Variants in EEA1 observed in about 807,000 individuals in gnomAD.
The protein encoded by EEA1 is early endosome antigen 1, 162kD.
Under a neutral mutation model 209.2 loss-of-function variants are expected in EEA1, and 111 were observed. The ratio of observed to expected loss-of-function variants is 0.53; its 90% CI spans 0.45 to 0.62. The LOEUF (loss-of-function observed/expected upper bound fraction) is 0.62, where lower values mean the gene tolerates loss of function less well. Among genes scored for constraint, EEA1 ranks in the 20% least tolerant of loss-of-function variants. EEA1 has a pLI of 0.00. For missense variants in EEA1, 1,343 were observed against 1,530.8 expected (o/e 0.88, Z 2.05); for synonymous variants, 536 against 540.6 (o/e 0.99, Z 0.12).
rs772015414 is a variant in EEA1 at position 92,827,925 on chromosome 12, C to A, written c.1391G>T (p.Arg464Leu). 1 of 1,564,436 alleles carries A rather than the reference C, an allele frequency of 6.4e-7. No individual in the cohort carries two copies. Among genetic ancestry groups the A allele is most frequent in the East Asian group, 2.4e-5 (1 of 41,658 alleles). Residue 464 changes from arginine (R) to leucine (L), a missense_variant, in exon 12 of 29, where the codon CGG becomes CTG. Physicochemically the swap from Arg to Leu is moderately radical, Grantham distance 102. Around this residue, in one of 3 missense-constraint regions of EEA1, gnomAD observed 1,307 missense variants for 1,465.5 expected, o/e 0.89. Coordinates refer to ENST00000322349, the MANE Select transcript of EEA1 (RefSeq NM_003566.4). ...QVADLQLKLS[R>L]LEEQLKEKVT... ...ATGCTAGCTTACCTGCTCTTCTAAC[C>A]GAGAAAGTTTGAGTTGTAAATCAGC...
At position 92,779,259 on chromosome 12, in the gene EEA1, C is replaced by T. The variant is rs1321648301; in HGVS notation, c.3510G>A (p.Gln1170=). Reference sequence around the variant, plus strand: ...CTTTTCCTTGAAGTTCTAATTTCTGCTGAATTAGAAGCTGTTTAGCATCTT... The same window carrying T: ...CTTTTCCTTGAAGTTCTAATTTCTGTTGAATTAGAAGCTGTTTAGCATCTT... ...NLKDAKQLLI[Q]QKLELQGKAD... is the part of the protein sequence containing the mutation. Residue 1170 remains glutamine, a synonymous_variant, in exon 25 of 29, where the codon CAG becomes CAA. Transcript: ENST00000322349. 1.2e-6 allele frequency: 2 copies of T among 1,608,408 alleles called. No homozygotes were observed. Among genetic ancestry groups the T allele is most frequent in the Non-Finnish European group, 1.7e-6 (2 of 1,178,506 alleles).
At chr12:92,803,394 G>C (rs749338337) in intron 18 of EEA1, among the ~76,000 whole-genome samples, 3 of 151,960 alleles carry the variant, frequency 2.0e-5, no homozygotes, top group Non-Finnish European at 4.4e-5. Context: ...TATAGCTTTA[G>C]AAAGCTATAG....
chr12:92,824,636 C>T (rs1325087871), intron 13 of EEA1, among the ~76,000 whole-genome samples: 1 of 152,062 alleles, frequency 6.6e-6, no homozygotes, highest in Non-Finnish European at 1.5e-5. Context: ...GAATCACAGG[C>T]TCCTCCTTCC....
chr12:92,881,821 TTATG>T (rs1370707095), intron 2 of EEA1, among the ~76,000 whole-genome samples: 1 of 152,170 alleles, frequency 6.6e-6, no homozygotes, highest in African/African-American at 2.4e-5. Flanking sequence ...ACTTATTACA[TTATG>T]TATTACATAT....
chr12:92,812,361 C>T (rs752748265), intron 16 of EEA1, among the ~76,000 whole-genome samples: 1 of 151,760 alleles, frequency 6.6e-6, no homozygotes, highest in Non-Finnish European at 1.5e-5. Flanking sequence ...ACTAATATTA[C>T]TCCCTGAATA....
At chr12:92,778,449 G>C (rs747314623) in intron 25 of EEA1, among the ~76,000 whole-genome samples, 2 of 152,010 alleles carry the variant, frequency 1.3e-5, no homozygotes, top group African/African-American at 2.4e-5. Context: ...TTCTCCACCA[G>C]AGCAGGAAAG....
At chr12:92,917,219 G>A (rs1387551399) in intron 1 of EEA1, among the ~76,000 whole-genome samples, 25 of 131,526 alleles carry the variant, frequency 1.9e-4, no homozygotes, top group Admixed American at 7.5e-4. Context: ...GCAGGCCAAC[G>A]TTCAGATTCA....
chr12:92,872,439 A>C (rs1878696278), intron 2 of EEA1, among the ~76,000 whole-genome samples: 1 of 152,246 alleles, frequency 6.6e-6, no homozygotes, highest in Non-Finnish European at 1.5e-5. Flanking sequence ...TAATTTAATG[A>C]AAGTAATTTT....
At chr12:92,889,104 A>G (rs1289883761) in intron 2 of EEA1, among the ~76,000 whole-genome samples, 1 of 151,926 alleles carries the variant, frequency 6.6e-6, no homozygotes. Context: ...GTGACCCAAG[A>G]TCATGTCACT....
intron 15 of EEA1, among the ~76,000 whole-genome samples, chr12:92,815,834 T>C (rs1320715894): frequency 2.0e-5 from 3 of 152,100 alleles, no homozygotes; most frequent in Admixed American, 2.0e-4. Context: ...AAAACAATCA[T>C]GGCATGATCA....
chr12:92,787,486 A>T (rs1056606917), intron 22 of EEA1, among the ~76,000 whole-genome samples: 2 of 152,140 alleles, frequency 1.3e-5, no homozygotes, highest in Non-Finnish European at 2.9e-5. Context: ...CTTGACAAAT[A>T]TTATAACTAA....
Position 92,842,510 on chromosome 12 carries a change from T to C in EEA1, c.870A>G (p.Leu290=). The C allele has an allele frequency of 1.9e-6, 3 of 1,609,478 alleles. No homozygotes were observed. Among genetic ancestry groups the C allele is most frequent in the South Asian group, 2.2e-5 (2 of 89,866 alleles). ...CATTAACTGAACTTTTCAGTTTTTG[T>C]AGTTCCTGTACATATACAGCAACTT... ...PQEVAVYVQE[L]QKLKSSVNEL... The change falls in exon 10 of 29, where the codon CTA becomes CTG. Residue 290 remains leucine (L), a synonymous_variant. Coordinates refer to ENST00000322349, the MANE Select transcript of EEA1 (RefSeq NM_003566.4).
chr12:92,915,503 A>C (rs1026184473), intron 1 of EEA1, among the ~76,000 whole-genome samples: 15 of 152,184 alleles, frequency 9.9e-5, no homozygotes, highest in Non-Finnish European at 1.9e-4. Flanking sequence ...AAACAAAAAA[A>C]GCTGGAAGGT....
At chr12:92,841,889 A>T (rs1251944032) in intron 10 of EEA1, among the ~76,000 whole-genome samples, 2 of 152,212 alleles carry the variant, frequency 1.3e-5, no homozygotes, top group African/African-American at 4.8e-5. Context: ...AAAGAATTGA[A>T]AGCAACGTGA....
chr12:92,843,307 T>C (rs1877251883), intron 9 of EEA1, among the ~76,000 whole-genome samples: 1 of 152,038 alleles, frequency 6.6e-6, no homozygotes, highest in Non-Finnish European at 1.5e-5. Context: ...TACAGGTGTG[T>C]GCCATCACGC....
intron 10 of EEA1, among the ~76,000 whole-genome samples, chr12:92,837,322 C>T (rs1016959782): frequency 2.0e-5 from 3 of 152,096 alleles, no homozygotes; most frequent in Admixed American, 1.3e-4. Context: ...AGTGGCAAAG[C>T]TGAGATTTAA....
At chr12:92,864,549 T>C (rs1439555743) in intron 3 of EEA1, among the ~76,000 whole-genome samples, 2 of 152,204 alleles carry the variant, frequency 1.3e-5, no homozygotes, top group African/African-American at 4.8e-5. Flanking sequence ...TACTATAAAG[T>C]CATCTAAGCA....
intron 23 of EEA1, among the ~76,000 whole-genome samples, chr12:92,781,208 C>T (rs550784143): frequency 6.4e-4 from 98 of 152,222 alleles, no homozygotes; most frequent in African/African-American, 2.3e-3. Flanking sequence ...TCAAACCTGG[C>T]CTTATGAACA....
chr12:92,857,185 C>A, intron 5 of EEA1, 90 bp downstream of exon 5: 1 of 958,144 alleles, frequency 1.0e-6, no homozygotes, highest in South Asian at 1.9e-5. Context: ...TATCAGGCCG[C>A]CACCTGCTTG....
Sources: gnomAD v4.1 joint callset for allele counts (sites outside exome capture counted in the v4.1 genomes callset) on GRCh38, gnomAD v4.1.1 for gene constraint, gnomAD v4.1.1 regional missense constraint, MANE v1.5 for transcripts, NCBI Gene and HGNC (gene_info 2026-07-23, HGNC 2026-07-21) for gene names.